The following NLRP2 variants were observed in gnomAD, a reference collection of about 807,000 sequenced individuals.
The protein encoded by NLRP2 is NACHT, LRR and PYD domains-containing protein 2.
NLRP2 carries 107 observed loss-of-function variants against 97.2 expected under a neutral mutation model. The observed-to-expected ratio is 1.10, with a 90% CI of 0.94 to 1.29. The LOEUF is 1.29. Ranked by LOEUF, NLRP2 falls within the 50% of genes most tolerant of loss-of-function variation. The pLI is 0.00. For synonymous variants in NLRP2, 663 were observed against 551.5 expected, an observed-to-expected ratio of 1.20 and a Z score of -2.83; for missense variants, 1,495 against 1,330.3, an observed-to-expected ratio of 1.12 and a Z score of -1.93.
chr19:54,989,812 C>T (rs988022915), intron 8 of NLRP2: 11 of 612,870 alleles, frequency 1.8e-5, no homozygotes, highest in Non-Finnish European at 3.2e-5. Flanking sequence ...GGAGAGACCC[C>T]CACCTCTACT....
intron 11 of NLRP2, among the ~76,000 whole-genome samples, chr19:54,995,639 C>G (rs1250544533): frequency 1.3e-5 from 2 of 151,974 alleles, no homozygotes; most frequent in South Asian, 2.1e-4. Context: ...AATGCTGGCT[C>G]TATCAGCAGG....
intron 11 of NLRP2, among the ~76,000 whole-genome samples, chr19:54,996,711 T>C (rs371155394): frequency 1.3e-5 from 2 of 151,894 alleles, no homozygotes; most frequent in South Asian, 4.1e-4. Flanking sequence ...GTCAGTCACA[T>C]GTATCTTCAG....
chr19:54,994,354 C>T lies in NLRP2; in HGVS notation c.2794C>T (p.Leu932=). ...QEKSSLLCLD[L]GLNHIGVKGM... ...AAAATCAAGCCTGTTGTGTTTGGAT[C>T]TGGGGCTGAATCACATAGGAGTTAA... Residue 932 remains leucine (L), a synonymous_variant, in exon 11 of 13, where the codon CTG becomes TTG. Coordinates refer to ENST00000448584, the MANE Select transcript of NLRP2 (RefSeq NM_017852.5). 6.2e-7 allele frequency: 1 copy of T among 1,614,094 alleles called. No individual in the cohort carries two copies. The highest frequency in any genetic ancestry group is 8.5e-7 in the Non-Finnish European group (1 of 1,180,030).
At chr19:54,992,504 G>T in intron 10 of NLRP2, among the ~76,000 whole-genome samples, 1 of 140,362 alleles carries the variant, frequency 7.1e-6, no homozygotes, top group Admixed American at 7.4e-5. Context: ...TTGGTTGTGT[G>T]TGTGTGTGGT....
intron 2 of NLRP2, among the ~76,000 whole-genome samples, chr19:54,972,439 C>T (rs1275927389): frequency 3.3e-5 from 5 of 151,972 alleles, no homozygotes; most frequent in Non-Finnish European, 1.5e-5. Flanking sequence ...CCTCAGCCTC[C>T]CAATGTGCTG....
chr19:54,993,400 AAATTAT>A (rs1251569892), intron 10 of NLRP2: 1 of 152,090 alleles, frequency 6.6e-6, no homozygotes, highest in East Asian at 1.9e-4. Context: ...ATTATAGTTC[AAATTAT>A]AATTAAGTTT....
At position 54,977,951 on chromosome 19, in the gene NLRP2, T is replaced by G. The variant is rs958332142; in HGVS notation, c.397+128T>G. On this transcript the variant is annotated intron_variant, in intron 4 of 12. Transcript: ENST00000448584. The stretch of plus-strand genomic sequence containing the variant: ...CCTCCACTATTCTTAATGTGCCCAC[T>G]GTCTCCTGGAGAATGCCAACCTCCC... 10 of 874,124 alleles carry G rather than the reference T, an allele frequency of 1.1e-5. No homozygotes were observed. In the Admixed American group the frequency reaches 2.0e-4, roughly 17 times the overall value. 54.1% of individuals were successfully genotyped at this position (874,124 alleles called of 1,614,324 possible).
At chr19:54,999,102 G>A (rs1010854322) in intron 12 of NLRP2, among the ~76,000 whole-genome samples, 2 of 148,422 alleles carry the variant, frequency 1.3e-5, no homozygotes, top group African/African-American at 5.0e-5. Context: ...GGGCAGAGGC[G>A]CCCCTCACCT....
At chr19:54,990,729 C>T in intron 10 of NLRP2, 57 bp downstream of exon 10, 1 of 1,587,568 alleles carries the variant, frequency 6.3e-7, no homozygotes, top group South Asian at 1.1e-5. Context: ...CCCCCCACCT[C>T]CGGGTTTGAG....
At chr19:54,974,119 G>T in intron 2 of NLRP2, 1 of 705,104 alleles carries the variant, frequency 1.4e-6, no homozygotes, top group East Asian at 3.1e-5. Context: ...ACTTTGGGAG[G>T]CCGAGGTGGG....
At chr19:54,993,553 C>A in intron 10 of NLRP2, 1 of 155,676 alleles carries the variant, frequency 6.4e-6, no homozygotes, top group Non-Finnish European at 1.4e-5. Context: ...TAAGACACTA[C>A]CTCTCTAGCA....
chr19:54,985,287 AAT>A, intron 7 of NLRP2, 70 bp downstream of exon 7: 2 of 1,438,970 alleles, frequency 1.4e-6, no homozygotes, highest in Non-Finnish European at 1.9e-6. Flanking sequence ...ACATCGGAGC[AAT>A]ATTCAGATTC....
rs1160567969 is a variant in NLRP2, at chr19:54,982,833, A to G, written c.1135A>G (p.Met379Val). Residue 379 changes from methionine (M) to valine (V), a missense_variant, in exon 6 of 13, where the codon ATG becomes GTG. Physicochemically the swap from Met to Val is conservative, Grantham distance 21. Transcript: ENST00000448584. ...ACACTTTGGAGACGAGGACCAAGCC[A>G]TGCGTGCCTTTGAGCTAATGAGGAG... ...LRHFGDEDQA[M>V]RAFELMRSNA... The G allele has an allele frequency of 1.2e-6, 2 of 1,613,616 alleles. No homozygotes were observed.
chr19:54,970,314 A>C lies in NLRP2; in HGVS notation c.280+19A>C, dbSNP rs2070765587. The C allele has an allele frequency of 6.2e-7, 1 of 1,613,992 alleles. No homozygotes were observed. Among genetic ancestry groups the C allele is most frequent in the Non-Finnish European group, 8.5e-7 (1 of 1,179,882 alleles). On this transcript the variant is annotated intron_variant, in intron 2 of 12. Transcript: ENST00000448584. The stretch of plus-strand genomic sequence containing the variant: ...GTCAGAGGTGAGTGGAAATCGGTCC[A>C]CACTGTGTCCTAGGAGGAAGCAGGC...
chr19:54,982,110 T>C, intron 5 of NLRP2, 52 bp from the exon 6 acceptor site: 1 of 1,611,772 alleles, frequency 6.2e-7, no homozygotes, highest in East Asian at 2.2e-5. Context: ...TGGTTTTCCC[T>C]ATGGGTAACT....
intron 4 of NLRP2, among the ~76,000 whole-genome samples, chr19:54,981,217 TGGAGTGCAGTA>T (rs1288499573): frequency 2.6e-5 from 4 of 152,064 alleles, no homozygotes; most frequent in African/African-American, 9.7e-5. Flanking sequence ...TTGCCCAGGG[TGGAGTGCAGTA>T]GTGCGATCTC....
chr19:54,988,202 C>T (rs1037238358), intron 8 of NLRP2, among the ~76,000 whole-genome samples: 5 of 152,144 alleles, frequency 3.3e-5, no homozygotes, highest in African/African-American at 9.7e-5. Context: ...CATTACTAAC[C>T]GTTGCAATTA....
chr19:54,994,171 C>G, intron 10 of NLRP2, 98 bp from the exon 11 acceptor site: 2 of 1,258,770 alleles, frequency 1.6e-6, no homozygotes, highest in South Asian at 1.2e-5. Context: ...ACCACTGTCT[C>G]TAAGTGTGTC....
At chr19:54,995,187 C>CTTTTTTTTTT (rs34168825) in intron 11 of NLRP2, among the ~76,000 whole-genome samples, 1 of 87,228 alleles carries the variant, frequency 1.1e-5, no homozygotes, top group Non-Finnish European at 2.2e-5. Context: ...GTGGGTGCCT[C>CTTTTTTTTTT]TTTTTTTTTT....
Sources: gnomAD v4.1 joint callset for allele counts (sites outside exome capture counted in the v4.1 genomes callset) on GRCh38, gnomAD v4.1.1 for gene constraint, MANE v1.5 for transcripts, NCBI Gene and HGNC (gene_info 2026-07-23, HGNC 2026-07-21) for gene names.